The following COPG1 variants were observed in gnomAD, a reference collection of about 807,000 sequenced individuals.
COPG1 encodes the protein coatomer subunit gamma-1.
Under a neutral mutation model 102.8 loss-of-function variants are expected in COPG1, and 29 were observed. The observed-to-expected ratio is 0.28, with a 90% CI of 0.21 to 0.38. The LOEUF is 0.38. Among genes scored for constraint, COPG1 ranks in the 10% least tolerant of loss-of-function variants. COPG1 has a pLI of 1.00. For missense variants in COPG1, 875 were observed against 1,132.7 expected (o/e 0.77, Z 3.27); for synonymous variants, 406 against 421.6 (o/e 0.96, Z 0.45).
Position 129,263,924 on chromosome 3 carries a change from C to T in COPG1, c.1149C>T (p.Ile383=). Reference sequence around the variant, plus strand: ...TTTAGGTGGTGGTTGTCCAGGCCATCAGTGCCCTGTGTCAGAAATATCCTC... The same window carrying T: ...TTTAGGTGGTGGTTGTCCAGGCCATTAGTGCCCTGTGTCAGAAATATCCTC... ...DEFKVVVVQA[I]SALCQKYPRK... is the part of the protein sequence containing the mutation. Residue 383 remains isoleucine, a synonymous_variant, in exon 13 of 24, where the codon ATC becomes ATT. Transcript: ENST00000314797. 1.2e-6 allele frequency: 2 copies of T among 1,614,116 alleles called. No homozygotes were observed. The highest frequency in any genetic ancestry group is 1.7e-6 in the Non-Finnish European group (2 of 1,179,974).
intron 7 of COPG1, 102 bp downstream of exon 7, chr3:129,255,179 CTT>C (rs56978948): frequency 8.5e-3 from 5,023 of 587,810 alleles, no homozygotes; most frequent in East Asian, 1.0e-2. Flanking sequence ...TTCTTTCTTT[CTT>C]TTTTTTTTTT....
intron 10 of COPG1, among the ~76,000 whole-genome samples, chr3:129,258,176 G>A (rs904314997): frequency 1.3e-5 from 2 of 152,344 alleles, no homozygotes; most frequent in East Asian, 1.9e-4. Flanking sequence ...TGCATGTGAA[G>A]TGGGGCTGCA....
chr3:129,249,792 GC>G, intron 1 of COPG1, 46 bp downstream of exon 1: 1 of 1,537,082 alleles, frequency 6.5e-7, no homozygotes, highest in South Asian at 1.2e-5. Context: ...ACCCCCACCC[GC>G]CGAGCTTTCC....
rs748154309 is a variant in COPG1, at chr3:129,275,017, C to G, written c.2395+41C>G. 3.1e-6 allele frequency: 5 copies of G among 1,607,920 alleles called. No homozygotes were observed. The South Asian group carries it at 3.3e-5, about 11-fold the overall frequency. On this transcript the variant is annotated intron_variant, in intron 22 of 23. Transcript: ENST00000314797. The surrounding 1 kb of genome is among the most constrained non-coding windows in gnomAD (Gnocchi z 5.0). ...TGCCATCTCTGGCCTAATTACTGTT[C>G]AAGATCTTTGGCTACTATTGAAGTG... is the stretch of plus-strand genomic sequence containing the variant.
rs1939776545 is a variant in COPG1 at position 129,254,979 on chromosome 3, C to T, written c.400-6C>T. On this transcript the variant is annotated splice_polypyrimidine_tract_variant and splice_region_variant and intron_variant, in intron 6 of 23. Transcript: ENST00000314797. ...TCTCCTTCCACCCTGCTCCTTTTGCCCACAGAGCACCATGCTGCAGGCTAT... is the reference window on the plus strand; with the variant it reads ...TCTCCTTCCACCCTGCTCCTTTTGCTCACAGAGCACCATGCTGCAGGCTAT... 6 of 1,613,112 alleles carry T rather than the reference C, an allele frequency of 3.7e-6. No individual in the cohort carries two copies. In the Admixed American group the frequency reaches 5.0e-5, roughly 13 times the overall value.
chr3:129,270,728 T>C (rs957270855), intron 18 of COPG1, among the ~76,000 whole-genome samples: 2 of 152,206 alleles, frequency 1.3e-5, no homozygotes, highest in Non-Finnish European at 2.9e-5. Context: ...CCTTTCTCTA[T>C]GTCTGAAACG....
At chr3:129,270,548 G>A (rs1051914648) in intron 18 of COPG1, among the ~76,000 whole-genome samples, 28 of 152,188 alleles carry the variant, frequency 1.8e-4, no homozygotes, top group Admixed American at 3.3e-4. Flanking sequence ...TCTAGTGGTT[G>A]ATGGTCATGG....
chr3:129,267,821 G>T, intron 15 of COPG1, 116 bp from the exon 16 acceptor site: 1 of 729,178 alleles, frequency 1.4e-6, no homozygotes, highest in South Asian at 1.7e-5. Context: ...CTCCGCCTGG[G>T]GCCACCACTA....
In COPG1 at chr3:129,263,893, A is replaced by C; in HGVS notation, c.1129-11A>C. On this transcript the variant is annotated splice_polypyrimidine_tract_variant and intron_variant, in intron 12 of 23. Coordinates refer to ENST00000314797, the MANE Select transcript of COPG1 (RefSeq NM_016128.4). ...CAGGGCCTGCTGCTCATGCACGTCT[A>C]TTTCATTTAGGTGGTGGTTGTCCAG... The C allele has an allele frequency of 6.2e-7, 1 of 1,613,072 alleles. No homozygotes were observed. The highest frequency in any genetic ancestry group is 8.5e-7 in the Non-Finnish European group (1 of 1,179,070).
intron 20 of COPG1, 128 bp downstream of exon 20, chr3:129,272,543 A>C (rs1224555512): frequency 2.5e-6 from 2 of 812,172 alleles, no homozygotes; most frequent in Admixed American, 2.9e-5. Flanking sequence ...TCCCAAGAAG[A>C]AGAATAGCTG....
intron 21 of COPG1, among the ~76,000 whole-genome samples, chr3:129,273,744 A>C (rs1376538256): frequency 2.6e-5 from 4 of 152,156 alleles, no homozygotes; most frequent in African/African-American, 4.8e-5. Flanking sequence ...TCCTAGAAGG[A>C]GAATAGTTGG....
chr3:129,274,182 T>TA lies in COPG1; in HGVS notation c.2257-656_2257-655insA, dbSNP rs1940227469. The TA allele has an allele frequency of 1.5e-5, 6 of 409,056 alleles. No homozygotes were observed. The Admixed American group carries it at 1.6e-4, about 11-fold the overall frequency. The allele number at this position is 409,056 out of a possible 1,614,324, so 25.3% of individuals were successfully genotyped here. On this transcript the variant is annotated intron_variant, in intron 21 of 23. Transcript: ENST00000314797. The stretch of plus-strand genomic sequence containing the variant: ...GGGTCTGTTTGAGCCCATCCAGAGA[T>TA]GAAGAAAAAAAAAAAAGAGAGAGAG...
At position 129,267,118 on chromosome 3, in the gene COPG1, G is replaced by C. The variant is rs1437449851; in HGVS notation, c.1544+19G>C. On this transcript the variant is annotated intron_variant, in intron 15 of 23. Coordinates refer to ENST00000314797, the MANE Select transcript of COPG1 (RefSeq NM_016128.4). ...TGAAGAGGTGAGTCTAGGCCCAGGG[G>C]CCCTAATGGGGACAGTGTTCCCTTG... 1 of 1,597,560 alleles carries C rather than the reference G, an allele frequency of 6.3e-7. No homozygotes were observed. The highest frequency in any genetic ancestry group is 1.1e-5 in the South Asian group (1 of 90,654).
intron 15 of COPG1, 35 bp from the exon 16 acceptor site, chr3:129,267,902 G>T: frequency 6.4e-7 from 1 of 1,561,136 alleles, no homozygotes; most frequent in Non-Finnish European, 8.8e-7. Context: ...TCCCTGCTGG[G>T]TCCCAGTCAG....
At chr3:129,262,450 T>A (rs1939943506) in intron 12 of COPG1, among the ~76,000 whole-genome samples, 1 of 152,012 alleles carries the variant, frequency 6.6e-6, no homozygotes, top group Non-Finnish European at 1.5e-5. Context: ...AGACGGTGTT[T>A]CACCATGTTA....
At chr3:129,254,308 A>T in intron 5 of COPG1, 1 of 182,738 alleles carries the variant, frequency 5.5e-6, no homozygotes, top group Non-Finnish European at 1.1e-5. Flanking sequence ...AAAAAAAAAG[A>T]GTAGGACAGA....
chr3:129,256,412 T>G (rs1035035987), intron 8 of COPG1, among the ~76,000 whole-genome samples: 1 of 152,260 alleles, frequency 6.6e-6, no homozygotes, highest in Admixed American at 6.5e-5. Context: ...CAGCTGAGTA[T>G]TGTTTTGGAG....
intron 13 of COPG1, 65 bp downstream of exon 13, chr3:129,264,064 C>G (rs1940004403): frequency 6.0e-6 from 8 of 1,325,350 alleles, no homozygotes; most frequent in Non-Finnish European, 8.7e-6. Flanking sequence ...TGACCACTGG[C>G]TCCATGCTCA....
chr3:129,277,547 G>T lies in COPG1; in HGVS notation c.*123G>T. On this transcript the variant is annotated 3_prime_UTR_variant, in exon 24 of 24. Transcript: ENST00000314797. ...TATTGAAAAACAATTAGGAATCATTGCAGATTTTTTTTTATTCTGCTCCCA... is the reference window on the plus strand; with the variant it reads ...TATTGAAAAACAATTAGGAATCATTTCAGATTTTTTTTTATTCTGCTCCCA... The T allele has an allele frequency of 9.3e-7, 1 of 1,080,698 alleles. No homozygotes were observed. The allele number at this position is 1,080,698 out of a possible 1,614,324, so 66.9% of individuals were successfully genotyped here. A position where few individuals can be genotyped will look rare whatever the true frequency, so the allele number is the denominator to read the frequency against.
Sources: allele counts gnomAD v4.1 joint callset (sites outside exome capture counted in the v4.1 genomes callset), GRCh38; gene constraint gnomAD v4.1.1; non-coding constraint Gnocchi (gnomAD v3.1); transcripts MANE v1.5; gene names NCBI Gene and HGNC (gene_info 2026-07-23, HGNC 2026-07-21).